Variants in TRPM3 observed in about 807,000 individuals in gnomAD.
TRPM3 encodes long transient receptor potential channel 3.
Under a neutral mutation model 181.2 loss-of-function variants are expected in TRPM3, and 77 were observed. The observed-to-expected ratio is 0.42, with a 90% CI of 0.35 to 0.51. The LOEUF (loss-of-function observed/expected upper bound fraction) is 0.51. Ranked by LOEUF, TRPM3 falls within the 20% of genes least tolerant of loss-of-function variation. The pLI, the probability that TRPM3 is intolerant of heterozygous loss-of-function variation, is 0.01. For synonymous variants in TRPM3, 745 were observed against 796.4 expected, an observed-to-expected ratio of 0.94 and a Z score of 1.09; for missense variants, 1,759 against 2,196.7, an observed-to-expected ratio of 0.80 and a Z score of 3.98.
intron 1 of TRPM3, among the ~76,000 whole-genome samples, chr9:70,896,587 T>C (rs2096281838): frequency 6.6e-6 from 1 of 152,144 alleles, no homozygotes; most frequent in South Asian, 2.1e-4. Flanking sequence ...AAAGGACTAG[T>C]CAATTTGTGA....
intron 1 of TRPM3, among the ~76,000 whole-genome samples, chr9:71,226,974 A>G (rs1013854410): frequency 6.6e-6 from 1 of 151,990 alleles, no homozygotes; most frequent in Admixed American, 6.6e-5. Flanking sequence ...AGTCTCAAGT[A>G]TAGACCATAT....
intron 22 of TRPM3, among the ~76,000 whole-genome samples, chr9:70,582,849 T>C (rs1421806462): frequency 6.6e-6 from 1 of 152,206 alleles, no homozygotes; most frequent in Non-Finnish European, 1.5e-5. Flanking sequence ...CACTGTGAGA[T>C]GATTTATGAT....
rs186028170 is a variant in TRPM3 at position 71,253,236 on chromosome 9, A to G, written c.183+193417T>C. ...ACAAATGTTTGATGGGTAAAGAAAA[A>G]AAATTCATCACTAGTTGAAAAGTTC... On this transcript the variant is annotated intron_variant, in intron 1 of 24. Coordinates refer to the TRPM3 transcript ENST00000357533. Among the ~76,000 whole-genome samples, 1,244 of 152,304 alleles carry G rather than the reference A, an allele frequency of 8.2e-3. 10 individuals are homozygous for G. Among genetic ancestry groups the G allele is most frequent in the Non-Finnish European group, 0.014 (952 of 68,038 alleles).
At chr9:71,234,001 A>G (rs1180629763) in intron 1 of TRPM3, among the ~76,000 whole-genome samples, 5 of 152,194 alleles carry the variant, frequency 3.3e-5, no homozygotes, top group Non-Finnish European at 4.4e-5. Flanking sequence ...ATAACAATAT[A>G]CATTTATTAT....
chr9:71,134,033 G>T (rs188019821), intron 1 of TRPM3, among the ~76,000 whole-genome samples: 47 of 151,592 alleles, frequency 3.1e-4, no homozygotes, highest in Middle Eastern at 3.4e-3. Flanking sequence ...GCGCGCGCGC[G>T]TGTCTGTGTT....
At chr9:71,185,090 T>C (rs2077600793) in intron 1 of TRPM3, among the ~76,000 whole-genome samples, 1 of 152,070 alleles carries the variant, frequency 6.6e-6, no homozygotes, top group Non-Finnish European at 1.5e-5. Context: ...AGAAACCAAG[T>C]GTCTTTTCAA....
intron 8 of TRPM3, among the ~76,000 whole-genome samples, chr9:70,742,806 G>A (rs531230526): frequency 1.3e-5 from 2 of 152,194 alleles, no homozygotes; most frequent in South Asian, 4.2e-4. Context: ...TAATAGACTT[G>A]ATGAGGCTTT....
chr9:71,098,607 A>T (rs1372102320), intron 1 of TRPM3, among the ~76,000 whole-genome samples: 2 of 152,194 alleles, frequency 1.3e-5, no homozygotes, highest in Admixed American at 6.6e-5. Context: ...CGCTAGACCT[A>T]AGGATAATGA....
chr9:71,430,951 C>T (rs960285772), intron 1 of TRPM3, among the ~76,000 whole-genome samples: 2 of 152,124 alleles, frequency 1.3e-5, no homozygotes, highest in South Asian at 4.1e-4. Context: ...AAGTAGGAAG[C>T]ATAAAACATA....
intron 1 of TRPM3, among the ~76,000 whole-genome samples, chr9:71,056,305 G>T (rs2060645955): frequency 6.6e-6 from 1 of 152,000 alleles, no homozygotes; most frequent in Non-Finnish European, 1.5e-5. Context: ...TTCATATTAT[G>T]TTCAAAGGAA....
At chr9:71,141,284 C>T (rs1474533660) in intron 1 of TRPM3, among the ~76,000 whole-genome samples, 1 of 152,136 alleles carries the variant, frequency 6.6e-6, no homozygotes, top group Non-Finnish European at 1.5e-5. Context: ...ATTAATATCT[C>T]TAGCTGGATG....
intron 1 of TRPM3, among the ~76,000 whole-genome samples, chr9:71,420,678 A>AGG (rs2093719191): frequency 6.1e-5 from 8 of 130,566 alleles, no homozygotes; most frequent in South Asian, 2.7e-4. Context: ...AAAGAGAGAA[A>AGG]GAAAGAGAAA....
intron 1 of TRPM3, among the ~76,000 whole-genome samples, chr9:71,371,582 T>C (rs576692185): frequency 2.0e-5 from 3 of 152,310 alleles, no homozygotes; most frequent in Admixed American, 6.5e-5. Flanking sequence ...TTGCTTCTTA[T>C]TGATGCACAA....
At chr9:70,786,429 G>A (rs1366036347) in intron 6 of TRPM3, among the ~76,000 whole-genome samples, 1 of 151,866 alleles carries the variant, frequency 6.6e-6, no homozygotes, top group Non-Finnish European at 1.5e-5. Context: ...AGGCTGTAGT[G>A]AGCCAAGATC....
Position 70,809,308 on chromosome 9 carries a change from A to G in TRPM3, c.973+18539T>C, listed in dbSNP as rs561635424. 3.3e-5 allele frequency among the ~76,000 whole-genome samples: 5 copies of G among 152,368 alleles called. No homozygotes were observed. The East Asian group carries it at 9.6e-4, about 29-fold the overall frequency. ...ATAAAATTTAAAAAATAAATTTAGT[A>G]TAGCCTAATTATACAGTGTTTATAA... On this transcript the variant is annotated intron_variant, in intron 6 of 25. Coordinates refer to ENST00000677713, the MANE Select transcript of TRPM3 (RefSeq NM_001366145.2).
At chr9:70,786,918 A>G (rs982966767) in intron 6 of TRPM3, among the ~76,000 whole-genome samples, 1 of 152,148 alleles carries the variant, frequency 6.6e-6, no homozygotes, top group Non-Finnish European at 1.5e-5. Context: ...TCACAGACCA[A>G]GTGTGATCCA....
chr9:70,612,037 T>C (rs973729644), intron 18 of TRPM3, among the ~76,000 whole-genome samples: 3 of 152,094 alleles, frequency 2.0e-5, no homozygotes, highest in African/African-American at 7.2e-5. Context: ...AAAATGAGGG[T>C]AATAAAGTAC....
At chr9:71,203,768 T>C (rs1435861747) in intron 1 of TRPM3, among the ~76,000 whole-genome samples, 1 of 152,188 alleles carries the variant, frequency 6.6e-6, no homozygotes, top group Non-Finnish European at 1.5e-5. Context: ...TTTATACAAG[T>C]ATTGGCTGTC....
Position 70,644,618 on chromosome 9 carries a change from G to C in TRPM3, c.1346-3958C>G, listed in dbSNP as rs183878948. 2.4e-3 allele frequency among the ~76,000 whole-genome samples: 364 copies of C among 152,228 alleles called. 2 individuals carry two copies. Among genetic ancestry groups the C allele is most frequent in the African/African-American group, 8.1e-3 (336 of 41,540 alleles). On this transcript the variant is annotated intron_variant, in intron 9 of 25. Transcript: ENST00000677713. Reference sequence around the variant, plus strand: ...CCAATATCATACTGAATGGGCAAAAGCTGGAAGTATTCCCTTTGAAAACTG... The same window carrying C: ...CCAATATCATACTGAATGGGCAAAACCTGGAAGTATTCCCTTTGAAAACTG...
Sources: allele counts gnomAD v4.1 joint callset (sites outside exome capture counted in the v4.1 genomes callset), GRCh38; gene constraint gnomAD v4.1.1; transcripts MANE v1.5; gene names NCBI Gene and HGNC (gene_info 2026-07-23, HGNC 2026-07-21).